DPP6: variants seen among roughly 807,000 people sequenced by gnomAD.
DPP6 encodes A-type potassium channel modulatory protein DPP6.
Under a neutral mutation model 122.6 loss-of-function variants are expected in DPP6, and 69 were observed. That is an observed-to-expected ratio of 0.56 (90% CI 0.46 to 0.69). The LOEUF is 0.69. DPP6 is among the 30% of genes least tolerant of loss of function. The probability of loss-of-function intolerance (pLI) is 0.00; values close to 1 mark genes in which losing one functional copy is unlikely to be tolerated. For missense variants in DPP6, 928 were observed against 1,116.9 expected (o/e 0.83, Z 2.41); for synonymous variants, 418 against 433.1 (o/e 0.97, Z 0.43).
chr7:153,762,370 T>C, the DPP6 span, among the ~76,000 whole-genome samples: 2 of 152,236 alleles, frequency 1.3e-5, no homozygotes, highest in Non-Finnish European at 2.9e-5. Flanking sequence ...TAGGCTTTTG[T>C]AGTGGTGCAA....
chr7:154,748,681 C>T (rs1350153635), intron 8 of DPP6, among the ~76,000 whole-genome samples: 2 of 152,166 alleles, frequency 1.3e-5, no homozygotes, highest in Non-Finnish European at 2.9e-5. Context: ...TAAGCAGGGC[C>T]AGGCCTCACT....
At chr7:154,109,283 TTTTTTTC>T (rs746840913) in intron 1 of DPP6, among the ~76,000 whole-genome samples, 124 of 152,326 alleles carry the variant, frequency 8.1e-4, no homozygotes, top group South Asian at 1.7e-3. Flanking sequence ...TTTTCTTTTC[TTTTTTTC>T]TTTTTTCTTT....
At chr7:154,731,593 G>C (rs1366205574) in intron 8 of DPP6, among the ~76,000 whole-genome samples, 3 of 152,186 alleles carry the variant, frequency 2.0e-5, no homozygotes, top group Non-Finnish European at 4.4e-5. Flanking sequence ...TGTGAACTCA[G>C]TGTATCTGTC....
chr7:154,145,212 A>AC (rs1320816200), intron 1 of DPP6, among the ~76,000 whole-genome samples: 1 of 152,082 alleles, frequency 6.6e-6, no homozygotes, highest in African/African-American at 2.4e-5. Context: ...TTTTAGAAAG[A>AC]CCCCTACAGC....
At chr7:154,770,340 T>C (rs903017825) in intron 9 of DPP6, among the ~76,000 whole-genome samples, 23 of 152,186 alleles carry the variant, frequency 1.5e-4, no homozygotes, top group Admixed American at 4.6e-4. Context: ...GTGAGACTTA[T>C]TCACTATCAG....
At chr7:154,225,424 T>C (rs969203697) in intron 1 of DPP6, among the ~76,000 whole-genome samples, 2 of 152,162 alleles carry the variant, frequency 1.3e-5, no homozygotes, top group Non-Finnish European at 2.9e-5. Context: ...CTCTTGACCT[T>C]GCCTTCTTTC....
At chr7:154,283,033 C>T (rs1319311303) in intron 1 of DPP6, among the ~76,000 whole-genome samples, 1 of 152,186 alleles carries the variant, frequency 6.6e-6, no homozygotes, top group Non-Finnish European at 1.5e-5. Context: ...GGATACCTTA[C>T]CTCCTATCTC....
chr7:154,750,330 G>T (rs1046307539), intron 8 of DPP6, among the ~76,000 whole-genome samples: 2 of 152,208 alleles, frequency 1.3e-5, no homozygotes, highest in African/African-American at 4.8e-5. Context: ...CCTGTGTCCT[G>T]CAAGAGCCCA....
intron 1 of DPP6, among the ~76,000 whole-genome samples, chr7:154,120,834 T>C (rs948225553): frequency 6.6e-6 from 1 of 152,208 alleles, no homozygotes; most frequent in African/African-American, 2.4e-5. Flanking sequence ...TTTTCAACTG[T>C]TTGATTTCCA....
At chr7:154,892,239 G>A (rs1806675854) in intron 25 of DPP6, 95 bp from the exon 26 acceptor site, 3 of 1,542,884 alleles carry the variant, frequency 1.9e-6, no homozygotes, top group East Asian at 4.6e-5. Context: ...CCCCGGACGG[G>A]GCCCAGGTTT....
intron 1 of DPP6, among the ~76,000 whole-genome samples, chr7:154,152,905 A>T (rs1796494457): frequency 6.6e-6 from 1 of 152,270 alleles, no homozygotes; most frequent in Admixed American, 6.5e-5. Context: ...TCCACCCAAC[A>T]GATAAACTCC....
At chr7:154,002,587 G>A (rs1797736711) in intron 1 of DPP6, among the ~76,000 whole-genome samples, 1 of 152,162 alleles carries the variant, frequency 6.6e-6, no homozygotes, top group African/African-American at 2.4e-5. Flanking sequence ...AGTGAGTGCA[G>A]ATAGGAGATG....
At chr7:154,386,591 TATC>T (rs1194766953) in intron 1 of DPP6, among the ~76,000 whole-genome samples, 1 of 152,068 alleles carries the variant, frequency 6.6e-6, no homozygotes, top group African/African-American at 2.4e-5. Context: ...ACTTCATGAA[TATC>T]ATGAAGACCA....
At chr7:153,794,075 C>T in the DPP6 span, among the ~76,000 whole-genome samples, 22 of 141,738 alleles carry the variant, frequency 1.6e-4, no homozygotes, top group Admixed American at 4.2e-4. Context: ...GCAGTGCAGA[C>T]GGAAATGTGG....
intron 1 of DPP6, among the ~76,000 whole-genome samples, chr7:154,126,478 G>A (rs1807894700): frequency 6.6e-6 from 1 of 151,700 alleles, no homozygotes; most frequent in Non-Finnish European, 1.5e-5. Flanking sequence ...GAACAATTTG[G>A]TGGTCGTTTT....
chr7:154,023,341 C>CACAA (rs1798805363), intron 1 of DPP6, among the ~76,000 whole-genome samples: 1 of 151,776 alleles, frequency 6.6e-6, no homozygotes, highest in Non-Finnish European at 1.5e-5. Context: ...CACACACACA[C>CACAA]ACACACACAC....
intron 1 of DPP6, among the ~76,000 whole-genome samples, chr7:154,287,194 C>T (rs537590048): frequency 1.3e-4 from 20 of 152,292 alleles, no homozygotes; most frequent in Admixed American, 3.3e-4. Context: ...ATCTTACAAA[C>T]GCAGGAGAGA....
chr7:154,710,107 C>G (rs574160862), intron 7 of DPP6, among the ~76,000 whole-genome samples: 4 of 152,324 alleles, frequency 2.6e-5, no homozygotes, highest in Admixed American at 2.6e-4. Context: ...GCTGCCTTCT[C>G]CCCCAGCACT....
At chr7:153,843,242 A>T in the DPP6 span, among the ~76,000 whole-genome samples, 1 of 151,060 alleles carries the variant, frequency 6.6e-6, no homozygotes, top group Non-Finnish European at 1.5e-5. Context: ...ATACACACGC[A>T]CATACATGTG....
Sources: gnomAD v4.1 joint callset for allele counts (sites outside exome capture counted in the v4.1 genomes callset) on GRCh38, gnomAD v4.1.1 for gene constraint, MANE v1.5 for transcripts, NCBI Gene and HGNC (gene_info 2026-07-23, HGNC 2026-07-21) for gene names.